The following ZCCHC7 variants were observed in gnomAD, a reference collection of about 807,000 sequenced individuals.
The protein encoded by ZCCHC7 is zinc finger CCHC-type containing 7, also known as zinc finger CCHC domain-containing protein 7.
In ZCCHC7, 35 loss-of-function variants were observed where a neutral mutation model predicts 52.0. The ratio of observed to expected loss-of-function variants is 0.67; its 90% confidence interval spans 0.51 to 0.89. ZCCHC7 has a LOEUF of 0.89. Ranked by LOEUF, ZCCHC7 falls within the 40% of genes least tolerant of loss-of-function variation. The pLI, the probability that ZCCHC7 is intolerant of heterozygous loss-of-function variation, is 0.00. For missense variants in ZCCHC7, 574 were observed against 649.1 expected (o/e 0.88, Z 1.26); for synonymous variants, 217 against 221.5 (o/e 0.98, Z 0.18).
At chr9:37,320,910 G>T (rs1830020755) in intron 5 of ZCCHC7, among the ~76,000 whole-genome samples, 1 of 151,740 alleles carries the variant, frequency 6.6e-6, no homozygotes, top group Non-Finnish European at 1.5e-5. Flanking sequence ...GATTGGATTT[G>T]GTGGTTTTAA....
intron 2 of ZCCHC7, among the ~76,000 whole-genome samples, chr9:37,279,796 T>TGG (rs1295988178): frequency 6.6e-6 from 1 of 151,908 alleles, no homozygotes; most frequent in African/African-American, 2.4e-5. Context: ...ATGTGAAAGC[T>TGG]GGAGTAGTCA....
intron 2 of ZCCHC7, among the ~76,000 whole-genome samples, chr9:37,299,194 A>G (rs904488588): frequency 3.3e-5 from 5 of 152,186 alleles, no homozygotes; most frequent in African/African-American, 9.7e-5. Flanking sequence ...TTAACATTCT[A>G]TGGCATTGGG....
chr9:37,270,345 G>A (rs574287644), intron 2 of ZCCHC7, among the ~76,000 whole-genome samples: 28 of 152,136 alleles, frequency 1.8e-4, no homozygotes, highest in Admixed American at 1.0e-3. Flanking sequence ...TGGCATTTTC[G>A]TGTGAAAAGA....
In ZCCHC7 at chr9:37,166,700, T is replaced by C. The variant is rs1036728137; in HGVS notation, c.610+39758T>C. 3.3e-5 allele frequency among the ~76,000 whole-genome samples: 5 copies of C among 152,332 alleles called. 1 individual carries two copies. In the South Asian group the frequency reaches 8.3e-4, roughly 25 times the overall value. On this transcript the variant is annotated intron_variant, in intron 2 of 8. Coordinates refer to ENST00000336755, the MANE Select transcript of ZCCHC7 (RefSeq NM_032226.3). ...TCTTTTAGTGCTATCAATTTCCCACTAAGTACTTCTTTAGGGCATCCCACA... is the reference window on the plus strand; with the variant it reads ...TCTTTTAGTGCTATCAATTTCCCACCAAGTACTTCTTTAGGGCATCCCACA...
intron 2 of ZCCHC7, among the ~76,000 whole-genome samples, chr9:37,281,688 T>C (rs1045641403): frequency 2.0e-5 from 3 of 152,360 alleles, no homozygotes; most frequent in Admixed American, 6.5e-5. Context: ...GGAATGCTTT[T>C]CAGGACTAGC....
At chr9:37,136,224 G>A (rs74525094) in intron 2 of ZCCHC7, among the ~76,000 whole-genome samples, 7,718 of 152,038 alleles carry the variant, frequency 0.051, 640 homozygotes, top group African/African-American at 0.17. Flanking sequence ...TTGACTTTGG[G>A]TAACTTAATT....
intron 6 of ZCCHC7, among the ~76,000 whole-genome samples, chr9:37,344,730 TTGTG>T (rs914724092): frequency 4.0e-5 from 6 of 150,602 alleles, no homozygotes; most frequent in African/African-American, 1.5e-4. Context: ...TTTTGTATGT[TTGTG>T]TATTATTGGC....
At chr9:37,189,679 C>T (rs1004494915) in intron 2 of ZCCHC7, among the ~76,000 whole-genome samples, 4 of 152,088 alleles carry the variant, frequency 2.6e-5, no homozygotes, top group Admixed American at 6.5e-5. Context: ...TGAGCCACCA[C>T]GCCCAGCTGA....
intron 2 of ZCCHC7, among the ~76,000 whole-genome samples, chr9:37,199,478 T>G (rs2133150100): frequency 6.7e-6 from 1 of 149,876 alleles, no homozygotes; most frequent in Non-Finnish European, 1.5e-5. Flanking sequence ...ATTATAGGCA[T>G]ACACCACCAC....
intron 1 of ZCCHC7, 80 bp from the exon 2 acceptor site, chr9:37,126,232 C>G: frequency 3.8e-6 from 5 of 1,321,174 alleles, no homozygotes; most frequent in Non-Finnish European, 5.2e-6. Context: ...GCAGTTGTCA[C>G]TGACAGGTGA....
At chr9:37,154,806 G>A (rs1588390922) in intron 2 of ZCCHC7, among the ~76,000 whole-genome samples, 1 of 152,056 alleles carries the variant, frequency 6.6e-6, no homozygotes. Context: ...TAATTAGAGA[G>A]TCCTGATCTC....
intron 5 of ZCCHC7, among the ~76,000 whole-genome samples, chr9:37,325,174 T>C (rs372551926): frequency 7.9e-5 from 12 of 152,304 alleles, no homozygotes; most frequent in African/African-American, 2.9e-4. Context: ...ACGGGAAAAC[T>C]AGTTGGGCAG....
At chr9:37,315,030 A>C (rs1006514751) in intron 5 of ZCCHC7, among the ~76,000 whole-genome samples, 3 of 152,038 alleles carry the variant, frequency 2.0e-5, no homozygotes, top group Non-Finnish European at 4.4e-5. Flanking sequence ...GTTGTCTACT[A>C]GTTAAAATAA....
intron 2 of ZCCHC7, among the ~76,000 whole-genome samples, chr9:37,254,607 A>G (rs545543288): frequency 5.3e-5 from 8 of 152,024 alleles, no homozygotes; most frequent in Non-Finnish European, 1.0e-4. Flanking sequence ...CTATAAAAAG[A>G]TTACTTATCT....
chr9:37,131,349 GA>G (rs949519794), intron 2 of ZCCHC7, among the ~76,000 whole-genome samples: 13 of 127,606 alleles, frequency 1.0e-4, no homozygotes, highest in Admixed American at 8.2e-4. Flanking sequence ...AAAAAAAAAA[GA>G]AAAAAAAAAT....
At chr9:37,234,840 C>G (rs1472803057) in intron 2 of ZCCHC7, among the ~76,000 whole-genome samples, 1 of 152,090 alleles carries the variant, frequency 6.6e-6, no homozygotes, top group Non-Finnish European at 1.5e-5. Flanking sequence ...ATATTTTAGC[C>G]ACTCTTTTAA....
At chr9:37,256,309 G>A (rs888069292) in intron 2 of ZCCHC7, among the ~76,000 whole-genome samples, 4 of 152,110 alleles carry the variant, frequency 2.6e-5, no homozygotes, top group Admixed American at 6.5e-5. Context: ...TGTGGTCTGT[G>A]TACCTCTGGG....
Position 37,146,464 on chromosome 9 carries a change from A to G in ZCCHC7, c.610+19522A>G, listed in dbSNP as rs978706580. On this transcript the variant is annotated intron_variant, in intron 2 of 8. Transcript: ENST00000336755. ...CAAATGAAAAATGGCTGTCTTGGCC[A>G]TATGGTAAATTAGGCCTGCTTTATT... Among the ~76,000 whole-genome samples the G allele has an allele frequency of 2.0e-5, 3 of 151,984 alleles. No individual in the cohort carries two copies. In the East Asian group the frequency reaches 5.8e-4, roughly 29 times the overall value.
chr9:37,178,135 G>C (rs1187109663), intron 2 of ZCCHC7, among the ~76,000 whole-genome samples: 2 of 152,062 alleles, frequency 1.3e-5, no homozygotes, highest in Non-Finnish European at 2.9e-5. Flanking sequence ...CCTAAACCTA[G>C]CCAGTAATGG....
Sources: gnomAD v4.1 joint callset for allele counts (sites outside exome capture counted in the v4.1 genomes callset) on GRCh38, gnomAD v4.1.1 for gene constraint, MANE v1.5 for transcripts, NCBI Gene and HGNC (gene_info 2026-07-23, HGNC 2026-07-21) for gene names.